The following XPO7 variants were observed in gnomAD, a reference collection of about 807,000 sequenced individuals.
XPO7 encodes the protein exportin-7.
A neutral mutation model predicts 144.3 loss-of-function variants in XPO7; 21 were observed. The ratio of observed to expected loss-of-function variants is 0.15; its 90% CI spans 0.10 to 0.21. The LOEUF (loss-of-function observed/expected upper bound fraction) is 0.21, where lower values mean the gene tolerates loss of function less well. Among genes scored for constraint, XPO7 ranks in the 10% least tolerant of loss-of-function variants. The pLI is 1.00. For missense variants in XPO7, 808 were observed against 1,325.8 expected (o/e 0.61, Z 6.06); for synonymous variants, 580 against 499.6 (o/e 1.16, Z -2.15).
chr8:21,967,802 T>C lies in XPO7; in HGVS notation c.165+799T>C, dbSNP rs557027724. ...GATTTTAAATGGAATTAGAACCTCC[T>C]CCAGCTTAAAAATGGCATTGCAGTG... On this transcript the variant is annotated intron_variant, in intron 2 of 27. Transcript: ENST00000252512. Among the ~76,000 whole-genome samples, 5 of 152,260 alleles carry C rather than the reference T, an allele frequency of 3.3e-5. No homozygotes were observed. The South Asian group carries it at 8.3e-4, about 25-fold the overall frequency.
chr8:21,962,325 G>A (rs573864948), intron 1 of XPO7, among the ~76,000 whole-genome samples: 4 of 152,216 alleles, frequency 2.6e-5, no homozygotes, highest in African/African-American at 7.2e-5. Flanking sequence ...TTTTCAGGCC[G>A]CTAAAACTAC....
chr8:21,960,567 G>A (rs565888039), intron 1 of XPO7, among the ~76,000 whole-genome samples: 2 of 152,358 alleles, frequency 1.3e-5, no homozygotes, highest in Admixed American at 6.5e-5. Flanking sequence ...GAATTGATTA[G>A]TATTTTGAAG....
Position 21,976,341 on chromosome 8 carries a change from T to A in XPO7, c.598-15T>A. 1 of 1,610,936 alleles carries A rather than the reference T, an allele frequency of 6.2e-7. No individual in the cohort carries two copies. Among genetic ancestry groups the A allele is most frequent in the Non-Finnish European group, 8.5e-7 (1 of 1,178,166 alleles). ...GGAGTGATTTTGGGGACTCATTATG[T>A]GGTAATTTTTACAGGCTTCAGGAAA... On this transcript the variant is annotated splice_polypyrimidine_tract_variant and intron_variant, in intron 6 of 27. Coordinates refer to ENST00000252512, the MANE Select transcript of XPO7 (RefSeq NM_015024.5).
chr8:21,959,303 T>TAGCC (rs1363423279), intron 1 of XPO7, among the ~76,000 whole-genome samples: 1 of 152,220 alleles, frequency 6.6e-6, no homozygotes, highest in Non-Finnish European at 1.5e-5. Context: ...GAGTTTTTGG[T>TAGCC]AGCCAGTATA....
At chr8:21,934,153 A>G (rs1318786140) in intron 1 of XPO7, among the ~76,000 whole-genome samples, 2 of 152,230 alleles carry the variant, frequency 1.3e-5, no homozygotes, top group African/African-American at 4.8e-5. Flanking sequence ...AATTATACCA[A>G]TAAATATATA....
chr8:21,933,723 G>A (rs1436560671), intron 1 of XPO7, among the ~76,000 whole-genome samples: 1 of 152,070 alleles, frequency 6.6e-6, no homozygotes, highest in Admixed American at 6.6e-5. Context: ...GAATATTTAT[G>A]TTTCATTTGT....
intron 1 of XPO7, among the ~76,000 whole-genome samples, chr8:21,936,694 GTTC>G (rs1287277487): frequency 1.3e-5 from 2 of 152,144 alleles, no homozygotes; most frequent in African/African-American, 2.4e-5. Flanking sequence ...ACTCTTAGGA[GTTC>G]TTCTGTTTAA....
Position 21,947,474 on chromosome 8 carries a change from G to A in XPO7, c.19-19383G>A, listed in dbSNP as rs138040406. Among the ~76,000 whole-genome samples, 116 of 152,258 alleles carry A rather than the reference G, an allele frequency of 7.6e-4. 1 individual carries two copies. In the East Asian group the frequency reaches 0.017, roughly 23 times the overall value. ...ACCTCAAAATGAAAAGCCAGTTTGC[G>A]TGAATTGAAAATAATACCGTAGAGG... is the stretch of plus-strand genomic sequence containing the variant. On this transcript the variant is annotated intron_variant, in intron 1 of 27. Coordinates refer to ENST00000252512, the MANE Select transcript of XPO7 (RefSeq NM_015024.5).
chr8:21,997,646 T>G (rs982317081), intron 21 of XPO7, among the ~76,000 whole-genome samples: 3 of 151,794 alleles, frequency 2.0e-5, no homozygotes, highest in Admixed American at 6.6e-5. Flanking sequence ...TAGTGAGGAG[T>G]GGGCATTTAT....
chr8:21,936,306 A>C (rs116847211), intron 1 of XPO7, among the ~76,000 whole-genome samples: 1 of 152,314 alleles, frequency 6.6e-6, no homozygotes, highest in Non-Finnish European at 1.5e-5. Context: ...CTGTGTCCAG[A>C]AGATGCAGTC....
chr8:21,978,692 T>C (rs1369290556), intron 8 of XPO7, among the ~76,000 whole-genome samples: 1 of 151,910 alleles, frequency 6.6e-6, no homozygotes, highest in East Asian at 1.9e-4. Context: ...CTGGCAGTAG[T>C]GGGGAGCCTC....
chr8:21,931,473 C>G (rs1031884), intron 1 of XPO7, among the ~76,000 whole-genome samples: 1 of 151,998 alleles, frequency 6.6e-6, no homozygotes, highest in Non-Finnish European at 1.5e-5. Context: ...TATTAACTTA[C>G]AGCAACCGCA....
chr8:21,933,028 G>A (rs1810704447), intron 1 of XPO7, among the ~76,000 whole-genome samples: 2 of 152,132 alleles, frequency 1.3e-5, no homozygotes, highest in South Asian at 4.1e-4. Context: ...TTTACTGCCG[G>A]GATTATAGGC....
At chr8:21,929,908 A>G (rs1198515428) in intron 1 of XPO7, among the ~76,000 whole-genome samples, 1 of 152,188 alleles carries the variant, frequency 6.6e-6, no homozygotes, top group Non-Finnish European at 1.5e-5. Flanking sequence ...GTAATTATGA[A>G]TTATTTTGTT....
intron 3 of XPO7, 199 bp from the exon 4 acceptor site, chr8:21,969,945 A>G: frequency 3.2e-6 from 2 of 632,522 alleles, no homozygotes; most frequent in South Asian, 4.8e-5. Context: ...AGACAAAATA[A>G]AATTCTGAAT....
chr8:21,981,278 T>C (rs56057561), intron 9 of XPO7, among the ~76,000 whole-genome samples: 32,467 of 152,224 alleles, frequency 0.21, 5,096 homozygotes, highest in African/African-American at 0.45. Context: ...AACATTTGTA[T>C]AACTTTGCTA....
chr8:21,982,568 C>T (rs563020002), intron 10 of XPO7, 72 bp from the exon 11 acceptor site: 1 of 1,472,804 alleles, frequency 6.8e-7, no homozygotes, highest in Non-Finnish European at 9.0e-7. Flanking sequence ...TCTTTATCTT[C>T]TGTGTCAGTG....
chr8:21,963,842 G>C (rs1222973149), intron 1 of XPO7, among the ~76,000 whole-genome samples: 1 of 152,088 alleles, frequency 6.6e-6, no homozygotes. Flanking sequence ...GAGGCACCTT[G>C]TCAGACAAAT....
At chr8:21,937,525 C>G (rs1458998015) in intron 1 of XPO7, among the ~76,000 whole-genome samples, 2 of 152,192 alleles carry the variant, frequency 1.3e-5, no homozygotes, top group Non-Finnish European at 2.9e-5. Context: ...ATGGCTGTTT[C>G]CCTCTGTTCC....
Sources: allele counts gnomAD v4.1 joint callset (sites outside exome capture counted in the v4.1 genomes callset), GRCh38; gene constraint gnomAD v4.1.1; transcripts MANE v1.5; gene names NCBI Gene and HGNC (gene_info 2026-07-23, HGNC 2026-07-21).